Variants in RPUSD3 observed in about 807,000 individuals in gnomAD.
The protein encoded by RPUSD3 is mitochondrial mRNA pseudouridine synthase RPUSD3.
RPUSD3 carries 36 observed loss-of-function variants against 35.1 expected under a neutral mutation model. The observed-to-expected ratio is 1.02, with a 90% CI of 0.79 to 1.35. The LOEUF (loss-of-function observed/expected upper bound fraction) is 1.35. Among genes scored for constraint, RPUSD3 ranks in the 40% most tolerant of loss-of-function variants. The probability of loss-of-function intolerance (pLI) is 0.00; values close to 1 mark genes in which losing one functional copy is unlikely to be tolerated. For synonymous variants in RPUSD3, 202 were observed against 187.8 expected (o/e 1.08, Z -0.62); for missense variants, 486 against 441.9 (o/e 1.10, Z -0.89).
intron 4 of RPUSD3, chr3:9,841,200 T>A (rs2082098317): frequency 5.9e-6 from 1 of 170,190 alleles, no homozygotes; most frequent in Admixed American, 6.2e-5. Context: ...GTATCATGGA[T>A]CGACTAGCAA....
chr3:9,842,157 C>T, intron 3 of RPUSD3, 42 bp downstream of exon 3: 1 of 1,613,676 alleles, frequency 6.2e-7, no homozygotes, highest in East Asian at 2.2e-5. Context: ...AGTCACGAAA[C>T]CCCCTTCCGC....
chr3:9,843,316 A>C, intron 2 of RPUSD3, 149 bp downstream of exon 2: 1 of 1,071,792 alleles, frequency 9.3e-7, no homozygotes, highest in Non-Finnish European at 1.4e-6. Context: ...AAAAGCGGGG[A>C]GAGGGTGCAA....
chr3:9,843,493 C>T (rs1339054917), exon 2 of RPUSD3: 2 of 1,614,024 alleles, frequency 1.2e-6, no homozygotes, highest in Admixed American at 3.3e-5. Context: ...CTGCCCGCAG[C>T]GCATCAACCA....
exon 2 of RPUSD3, chr3:9,843,565 C>G (rs758698103): frequency 1.2e-6 from 2 of 1,613,736 alleles, no homozygotes; most frequent in East Asian, 4.5e-5. Flanking sequence ...CGAGGGGCCC[C>G]GACCGTTGGC....
At chr3:9,839,331 C>T (rs137953469) in intron 7 of RPUSD3, 160 bp from the exon 8 acceptor site, 12 of 699,340 alleles carry the variant, frequency 1.7e-5, no homozygotes, top group Middle Eastern at 3.3e-4. Context: ...GAGAGGGACA[C>T]ATAACACGTC....
Position 9,842,579 on chromosome 3 carries a change from C to A in RPUSD3, c.263-336G>T, listed in dbSNP as rs57472117. 2,300 of 402,902 alleles carry A rather than the reference C, an allele frequency of 5.7e-3. 52 individuals carry two copies. Among genetic ancestry groups the A allele is most frequent in the African/African-American group, 0.042 (2,117 of 49,812 alleles). The allele number at this position is 402,902 out of a possible 1,614,324, so 25.0% of individuals were successfully genotyped here. ...TCATAACACCCTGTTTTAGTTTATG[C>A]ATAGCACTTACCACTAGTAACTTGT... On this transcript the variant is annotated intron_variant, in intron 2 of 8. Transcript: ENST00000383820.
intron 6 of RPUSD3, 93 bp from the exon 7 acceptor site, chr3:9,840,400 CAG>C (rs1347473887): frequency 6.2e-7 from 1 of 1,608,680 alleles, no homozygotes; most frequent in Non-Finnish European, 8.5e-7. Context: ...GGCAGGGCCA[CAG>C]TATAGGCAGT....
chr3:9,843,358 G>C (rs2082130511), intron 2 of RPUSD3, 107 bp downstream of exon 2: 1 of 1,506,806 alleles, frequency 6.6e-7, no homozygotes, highest in East Asian at 2.3e-5. Context: ...CATGCTGCTA[G>C]TGGGAGGCAG....
chr3:9,839,145 T>G lies in RPUSD3; in HGVS notation c.751A>C (p.Met251Leu), dbSNP rs1401823985. 3.1e-6 allele frequency: 5 copies of G among 1,612,990 alleles called. No homozygotes were observed. In the African/African-American group the frequency reaches 6.7e-5, roughly 22 times the overall value. The change falls in exon 8 of 9, where the codon ATG becomes CTG. Residue 251 changes from methionine (M) to leucine (L), a missense_variant. By Grantham distance (15) the Met-to-Leu change is conservative (BLOSUM62 2). Transcript: ENST00000383820. ...AGCACAGGGCAGAGCTGTAGTACCA[T>G]GTGCACCTGTAGTTGACTGGAGAAC...
At chr3:9,838,956 T>G (rs1311027905) in intron 8 of RPUSD3, 76 bp downstream of exon 8, 2 of 1,603,780 alleles carry the variant, frequency 1.2e-6, no homozygotes, top group South Asian at 2.2e-5. Flanking sequence ...GCTGCACAGA[T>G]AAGGTCTGGA....
At chr3:9,841,804 A>G (rs1019100623) in intron 4 of RPUSD3, 179 bp downstream of exon 4, 2 of 586,918 alleles carry the variant, frequency 3.4e-6, no homozygotes, top group African/African-American at 3.7e-5. Flanking sequence ...GTATCACACC[A>G]TTTGTACTTG....
intron 8 of RPUSD3, 65 bp from the exon 9 acceptor site, chr3:9,838,272 A>G: frequency 6.5e-7 from 1 of 1,534,124 alleles, no homozygotes; most frequent in Non-Finnish European, 8.9e-7. Flanking sequence ...ACCCAGCTCT[A>G]AGGGAAATGG....
At position 9,843,286 on chromosome 3, in the gene RPUSD3, T is replaced by C. The variant is rs1370508659; in HGVS notation, c.262+179A>G. On this transcript the variant is annotated intron_variant, in intron 2 of 8. Coordinates refer to ENST00000383820, the Ensembl canonical transcript of RPUSD3. ...ATCTTCTCCCCACTCTTAACCCTACTGCATCATGGCAGTAGGGTTAAAAGC... is the reference window on the plus strand; with the variant it reads ...ATCTTCTCCCCACTCTTAACCCTACCGCATCATGGCAGTAGGGTTAAAAGC... 14 of 798,468 alleles carry C rather than the reference T, an allele frequency of 1.8e-5. No individual in the cohort carries two copies. The highest frequency in any genetic ancestry group is 2.8e-5 in the Non-Finnish European group (14 of 499,558). 49.5% of individuals were successfully genotyped at this position (798,468 alleles called of 1,614,324 possible).
At chr3:9,839,007 G>A in intron 8 of RPUSD3, 25 bp downstream of exon 8, 2 of 1,613,932 alleles carry the variant, frequency 1.2e-6, no homozygotes, top group South Asian at 1.1e-5. Flanking sequence ...CCCTCAGAAA[G>A]CAGCAGGCAG....
At position 9,841,828 on chromosome 3, in the gene RPUSD3, A is replaced by G. The variant is rs986195631; in HGVS notation, c.407+155T>C. On this transcript the variant is annotated intron_variant, in intron 4 of 8. Transcript: ENST00000383820. ...CATTTGTACTTGAGGATTTGAACCC[A>G]GAGCCATCGGCTTCCTCTTCTTCAC... 3.5e-5 allele frequency: 23 copies of G among 664,166 alleles called. No homozygotes were observed. In the African/African-American group the frequency reaches 3.8e-4, roughly 11 times the overall value. The allele number at this position is 664,166 out of a possible 1,614,324, so 41.1% of individuals were successfully genotyped here.
chr3:9,839,022 G>A lies in RPUSD3; in HGVS notation c.864+10C>T. 6.2e-7 allele frequency: 1 copy of A among 1,614,066 alleles called. No homozygotes were observed. The highest frequency in any genetic ancestry group is 2.2e-5 in the East Asian group (1 of 44,884). The stretch of plus-strand genomic sequence containing the variant: ...CCCTCAGAAAGCAGCAGGCAGGTGG[G>A]CTGGAGTACCTGTCTTTGGGGCTTG... On this transcript the variant is annotated intron_variant, in intron 8 of 8. Transcript: ENST00000383820.
chr3:9,842,107 C>CAAG lies in RPUSD3; in HGVS notation c.308-28_308-26dup, dbSNP rs200035826. 3.9e-3 allele frequency: 6,229 copies of CAAG among 1,609,912 alleles called. 164 individuals are homozygous for CAAG. In the African/African-American group the frequency reaches 0.07, roughly 18 times the overall value. ...CCTGGAAAGTAAGAAAGAAAAATTA[C>CAAG]AAGAGGCCAAAGCTTCATGCCTTCA... On this transcript the variant is annotated intron_variant, in intron 3 of 8. Transcript: ENST00000383820.
chr3:9,843,735 C>T (rs941693611), intron 1 of RPUSD3, 134 bp from the exon 2 acceptor site: 25 of 1,541,990 alleles, frequency 1.6e-5, no homozygotes, highest in Middle Eastern at 3.3e-4. Context: ...CTCGAAAATT[C>T]AGGTACGACC....
intron 8 of RPUSD3, 152 bp from the exon 9 acceptor site, chr3:9,838,359 C>A: frequency 1.3e-6 from 1 of 750,042 alleles, no homozygotes; most frequent in Non-Finnish European, 2.2e-6. Flanking sequence ...CAGATGTGCA[C>A]ATTCACACAG....
Sources: gnomAD v4.1 joint callset for allele counts on GRCh38, gnomAD v4.1.1 for gene constraint, MANE v1.5 for transcripts, NCBI Gene and HGNC (gene_info 2026-07-23, HGNC 2026-07-21) for gene names.